The following CHCHD3 variants were observed in gnomAD, a reference collection of about 807,000 sequenced individuals.
CHCHD3 encodes the protein MICOS complex subunit MIC19.
A neutral mutation model predicts 38.2 loss-of-function variants in CHCHD3; 20 were observed. The ratio of observed to expected loss-of-function variants is 0.52; its 90% CI spans 0.37 to 0.76. CHCHD3 has a LOEUF of 0.76. Among genes scored for constraint, CHCHD3 ranks in the 30% least tolerant of loss-of-function variants. The probability of loss-of-function intolerance (pLI) is 0.00; values close to 1 mark genes in which losing one functional copy is unlikely to be tolerated. For synonymous variants in CHCHD3, 82 were observed against 100.0 expected (o/e 0.82, Z 1.07); for missense variants, 245 against 279.2 (o/e 0.88, Z 0.87).
At chr7:133,055,588 G>A (rs1447140719) in intron 2 of CHCHD3, among the ~76,000 whole-genome samples, 1 of 145,216 alleles carries the variant, frequency 6.9e-6, no homozygotes, top group Admixed American at 6.9e-5. Flanking sequence ...TAATATAATT[G>A]TGTTATATAT....
At chr7:132,961,365 A>G (rs1811314887) in intron 4 of CHCHD3, among the ~76,000 whole-genome samples, 1 of 152,246 alleles carries the variant, frequency 6.6e-6, no homozygotes, top group South Asian at 2.1e-4. Flanking sequence ...GTTTAAGCTT[A>G]GAGACAGCAA....
intron 3 of CHCHD3, among the ~76,000 whole-genome samples, chr7:133,005,607 A>G (rs918399735): frequency 6.6e-6 from 1 of 152,226 alleles, no homozygotes; most frequent in African/African-American, 2.4e-5. Context: ...TTCAATCTAC[A>G]AATTTATTTG....
chr7:133,053,339 G>A (rs117259512), intron 2 of CHCHD3, among the ~76,000 whole-genome samples: 4,376 of 152,228 alleles, frequency 0.029, 99 homozygotes, highest in Non-Finnish European at 0.04. Flanking sequence ...GCACAGGAGG[G>A]ATGGGGACTA....
intron 6 of CHCHD3, among the ~76,000 whole-genome samples, chr7:132,823,280 A>T (rs1049913649): frequency 6.6e-6 from 1 of 152,236 alleles, no homozygotes; most frequent in Non-Finnish European, 1.5e-5. Context: ...ACATTCTAAG[A>T]TATCTAGTGG....
chr7:133,010,314 C>A (rs556444825), intron 3 of CHCHD3, among the ~76,000 whole-genome samples: 1 of 152,100 alleles, frequency 6.6e-6, no homozygotes, highest in Non-Finnish European at 1.5e-5. Context: ...GGCCACAATA[C>A]AGGCCAAAGC....
intron 6 of CHCHD3, 131 bp from the exon 7 acceptor site, chr7:132,796,708 T>G: frequency 1.3e-6 from 1 of 799,042 alleles, no homozygotes; most frequent in Non-Finnish European, 1.9e-6. Context: ...AGAGAAAGAA[T>G]TTTCCTTAAA....
intron 3 of CHCHD3, among the ~76,000 whole-genome samples, chr7:132,984,908 A>G (rs1220855721): frequency 2.2e-5 from 2 of 89,924 alleles, no homozygotes; most frequent in East Asian, 4.1e-4. Flanking sequence ...TGGGGGGGTC[A>G]GCCCCCCGCC....
At chr7:132,890,443 T>C (rs1256990535) in intron 4 of CHCHD3, among the ~76,000 whole-genome samples, 1 of 152,182 alleles carries the variant, frequency 6.6e-6, no homozygotes, top group African/African-American at 2.4e-5. Context: ...ACTACGCCCT[T>C]TTAGCCCTGG....
chr7:132,908,541 T>C (rs1809854426), intron 4 of CHCHD3, among the ~76,000 whole-genome samples: 1 of 152,222 alleles, frequency 6.6e-6, no homozygotes, highest in Non-Finnish European at 1.5e-5. Context: ...CCCTTGGTTT[T>C]TAAGGCATGG....
chr7:133,041,066 T>G (rs925000094), intron 2 of CHCHD3, among the ~76,000 whole-genome samples: 7 of 152,182 alleles, frequency 4.6e-5, no homozygotes, highest in Non-Finnish European at 1.0e-4. Flanking sequence ...GCTAAGAAGG[T>G]CGCCTGTAGA....
intron 3 of CHCHD3, among the ~76,000 whole-genome samples, chr7:133,000,676 T>C (rs1812547106): frequency 6.6e-6 from 1 of 152,202 alleles, no homozygotes; most frequent in African/African-American, 2.4e-5. Flanking sequence ...GAAGCCACAT[T>C]AGAAAACTAA....
chr7:133,025,992 T>C (rs1640515439), intron 2 of CHCHD3, among the ~76,000 whole-genome samples: 1 of 152,178 alleles, frequency 6.6e-6, no homozygotes, highest in Non-Finnish European at 1.5e-5. Flanking sequence ...AGAAGATACA[T>C]GAAAGATCAG....
At chr7:132,998,037 G>C (rs1488842785) in intron 3 of CHCHD3, among the ~76,000 whole-genome samples, 1 of 152,166 alleles carries the variant, frequency 6.6e-6, no homozygotes, top group Non-Finnish European at 1.5e-5. Context: ...CACAGAAGAT[G>C]AATATTCATT....
At chr7:132,853,995 C>T (rs145863218) in intron 5 of CHCHD3, among the ~76,000 whole-genome samples, 1 of 152,256 alleles carries the variant, frequency 6.6e-6, no homozygotes, top group East Asian at 1.9e-4. Context: ...CCCTATCAAA[C>T]TGGCTGTCTT....
intron 4 of CHCHD3, among the ~76,000 whole-genome samples, chr7:132,912,196 A>G (rs1809969884): frequency 6.6e-6 from 1 of 152,234 alleles, no homozygotes; most frequent in South Asian, 2.1e-4. Context: ...CTCTATTTCA[A>G]AAGTTGAATA....
chr7:132,984,568 G>A (rs1227882354), intron 3 of CHCHD3, among the ~76,000 whole-genome samples: 1 of 147,090 alleles, frequency 6.8e-6, no homozygotes, highest in African/African-American at 2.5e-5. Context: ...TGCCCAGTCT[G>A]GAAAGTGAGG....
intron 3 of CHCHD3, among the ~76,000 whole-genome samples, chr7:132,990,995 CTG>C (rs1389458917): frequency 5.4e-5 from 8 of 147,810 alleles, no homozygotes; most frequent in African/African-American, 2.0e-4. Flanking sequence ...CTAACTCATT[CTG>C]TCTCTTTTTA....
At chr7:132,994,814 G>A (rs908058370) in intron 3 of CHCHD3, among the ~76,000 whole-genome samples, 11 of 152,000 alleles carry the variant, frequency 7.2e-5, no homozygotes, top group African/African-American at 2.4e-4. Context: ...GAGTTGAAGG[G>A]GCCTTATCCC....
intron 4 of CHCHD3, among the ~76,000 whole-genome samples, chr7:132,910,320 C>G (rs1024402567): frequency 6.6e-6 from 1 of 152,162 alleles, no homozygotes; most frequent in Non-Finnish European, 1.5e-5. Context: ...AAGTGCCCCC[C>G]ACATGCTTGA....
Sources: allele counts gnomAD v4.1 joint callset (sites outside exome capture counted in the v4.1 genomes callset), GRCh38; gene constraint gnomAD v4.1.1; transcripts MANE v1.5; gene names NCBI Gene and HGNC (gene_info 2026-07-23, HGNC 2026-07-21).